Variants in COL14A1 observed in about 807,000 individuals in gnomAD.
COL14A1 encodes collagen alpha-1(XIV) chain.
Under a neutral mutation model 230.3 loss-of-function variants are expected in COL14A1, and 136 were observed. That is an observed-to-expected ratio of 0.59 (90% CI 0.51 to 0.68). The LOEUF (loss-of-function observed/expected upper bound fraction) is 0.68, where lower values mean the gene tolerates loss of function less well. COL14A1 is among the 30% of genes least tolerant of loss of function. The pLI is 0.00. For missense variants in COL14A1, 1,976 were observed against 2,215.8 expected (o/e 0.89, Z 2.17); for synonymous variants, 792 against 784.1 (o/e 1.01, Z -0.17).
chr8:120,225,010 C>T (rs1303880820), intron 14 of COL14A1, 78 bp from the exon 15 acceptor site: 28 of 1,376,082 alleles, frequency 2.0e-5, no homozygotes, highest in East Asian at 4.9e-5. Flanking sequence ...GTCAGCTAAG[C>T]GAGCTACAGA....
At chr8:120,206,902 C>A in intron 9 of COL14A1, 41 bp from the exon 10 acceptor site, 1 of 1,543,280 alleles carries the variant, frequency 6.5e-7, no homozygotes, top group Non-Finnish European at 8.7e-7. Flanking sequence ...TAAGAAATAA[C>A]TTTGGGTAAG....
At chr8:120,198,000 C>T in intron 7 of COL14A1, 70 bp downstream of exon 7, 1 of 1,485,432 alleles carries the variant, frequency 6.7e-7, no homozygotes, top group South Asian at 1.2e-5. Flanking sequence ...CTCATTTTGC[C>T]ACTTTGTAAG....
chr8:120,200,069 C>CTATATATATATATATAT (rs1817184462), intron 8 of COL14A1, among the ~76,000 whole-genome samples: 2 of 36,990 alleles, frequency 5.4e-5, no homozygotes, highest in African/African-American at 4.8e-4. Flanking sequence ...ATATAGATAG[C>CTATATATATATATATAT]ATACATTCAG....
At chr8:120,291,633 C>T (rs1343927069) in intron 34 of COL14A1, among the ~76,000 whole-genome samples, 1 of 150,424 alleles carries the variant, frequency 6.6e-6, no homozygotes, top group Non-Finnish European at 1.5e-5. Context: ...AGATTCTGGG[C>T]CCAGATCACA....
At chr8:120,233,640 T>C (rs949793568) in intron 19 of COL14A1, among the ~76,000 whole-genome samples, 5 of 152,170 alleles carry the variant, frequency 3.3e-5, no homozygotes, top group African/African-American at 1.2e-4. Flanking sequence ...ATGTGTGGTG[T>C]CATTTCTGAG....
intron 34 of COL14A1, 23 bp from the exon 35 acceptor site, chr8:120,297,488 A>C: frequency 7.7e-7 from 1 of 1,307,148 alleles, no homozygotes; most frequent in Non-Finnish European, 1.0e-6. Context: ...TTATTGAATG[A>C]CAATTTTCTT....
At chr8:120,219,257 C>T (rs1263473199) in intron 14 of COL14A1, among the ~76,000 whole-genome samples, 3 of 152,086 alleles carry the variant, frequency 2.0e-5, no homozygotes, top group Non-Finnish European at 4.4e-5. Context: ...GCTGGGACTA[C>T]ACATGCCACC....
Position 120,231,593 on chromosome 8 carries a change from A to C in COL14A1, c.2324A>C (p.Asp775Ala). The C allele has an allele frequency of 6.2e-7, 1 of 1,613,774 alleles. No homozygotes were observed. Among genetic ancestry groups the C allele is most frequent in the Non-Finnish European group, 8.5e-7 (1 of 1,179,904 alleles). The change falls in exon 19 of 48, where the codon GAC (aspartate) becomes GCC (alanine). Residue 775 changes from aspartate (D) to alanine (A), a missense_variant. Physicochemically the swap from Asp to Ala is moderately radical, Grantham distance 126 (BLOSUM62 -2). Transcript: ENST00000297848. ...GTGACCTACATGACAGCTCAAGGGG[A>C]CCCTGAGGAAGAAGTCATAGGAACG... ...FRVTYMTAQG[D>A]PEEEVIGTVM...
chr8:120,213,467 G>A (rs1317173043), intron 13 of COL14A1, among the ~76,000 whole-genome samples: 4 of 152,152 alleles, frequency 2.6e-5, no homozygotes. Context: ...AAAGAAGTTT[G>A]CACACATCCA....
rs533629649 is a variant in COL14A1 at position 120,308,274 on chromosome 8, G to A, written c.4402-1735G>A. Among the ~76,000 whole-genome samples, 22 of 152,338 alleles carry A rather than the reference G, an allele frequency of 1.4e-4. 1 individual carries two copies. In the South Asian group the frequency reaches 3.7e-3, roughly 26 times the overall value. On this transcript the variant is annotated intron_variant, in intron 36 of 47. Transcript: ENST00000297848. The stretch of plus-strand genomic sequence containing the variant: ...TGGGATTACAGGCGTGAGCCAGTGC[G>A]CCCAGCCTGAAGCATTGTTTAAATG...
chr8:120,220,571 C>T (rs1817901839), intron 14 of COL14A1, among the ~76,000 whole-genome samples: 1 of 152,056 alleles, frequency 6.6e-6, no homozygotes, highest in Non-Finnish European at 1.5e-5. Context: ...CGCGCCCAGC[C>T]CATGCAATTG....
chr8:120,124,717 A>C (rs1452479997), upstream of COL14A1, among the ~76,000 whole-genome samples: 1 of 152,176 alleles, frequency 6.6e-6, no homozygotes, highest in Non-Finnish European at 1.5e-5. Flanking sequence ...TGACGCGGGA[A>C]GGCAAAGTCT....
In COL14A1 at chr8:120,243,869, T is replaced by A; in HGVS notation, c.2350-10T>A. 1 of 1,612,218 alleles carries A rather than the reference T, an allele frequency of 6.2e-7. No individual in the cohort carries two copies. The highest frequency in any genetic ancestry group is 8.5e-7 in the Non-Finnish European group (1 of 1,178,882). On this transcript the variant is annotated splice_polypyrimidine_tract_variant and intron_variant, in intron 19 of 47. Coordinates refer to ENST00000297848, the MANE Select transcript of COL14A1 (RefSeq NM_021110.4). ...TCACTAAGACTGCAGTCCTTTGCTT[T>A]TTTGTTCAGGTTATGGTGCCTGGAA... is the stretch of plus-strand genomic sequence containing the variant.
intron 2 of COL14A1, among the ~76,000 whole-genome samples, chr8:120,152,531 A>G (rs1165792902): frequency 6.6e-6 from 1 of 151,708 alleles, no homozygotes; most frequent in African/African-American, 2.4e-5. Flanking sequence ...CTTAATTGCT[A>G]ATCCACAGAA....
chr8:120,133,916 T>C (rs868013349), intron 1 of COL14A1, among the ~76,000 whole-genome samples: 8 of 152,180 alleles, frequency 5.3e-5, no homozygotes, highest in African/African-American at 1.7e-4. Context: ...CTATTCAAGG[T>C]AGGTTACAAA....
At chr8:120,186,549 G>A (rs1208153553) in intron 5 of COL14A1, among the ~76,000 whole-genome samples, 1 of 152,200 alleles carries the variant, frequency 6.6e-6, no homozygotes, top group African/African-American at 2.4e-5. Flanking sequence ...AATAAAAATA[G>A]TACACACTCT....
intron 19 of COL14A1, among the ~76,000 whole-genome samples, chr8:120,240,256 T>A (rs908676422): frequency 2.0e-5 from 3 of 152,210 alleles, no homozygotes; most frequent in Admixed American, 2.0e-4. Flanking sequence ...ATCAAGCTCC[T>A]TTAGAGGATT....
intron 37 of COL14A1, among the ~76,000 whole-genome samples, chr8:120,311,800 CAT>C (rs1261613944): frequency 6.6e-6 from 1 of 152,056 alleles, no homozygotes; most frequent in Non-Finnish European, 1.5e-5. Flanking sequence ...TTCTCGATAA[CAT>C]ATTATTAAAC....
In COL14A1 at chr8:120,369,385, A is replaced by C; in HGVS notation, c.5211A>C (p.Pro1737=). 6.2e-7 allele frequency: 1 copy of C among 1,609,200 alleles called. No individual in the cohort carries two copies. The highest frequency in any genetic ancestry group is 8.5e-7 in the Non-Finnish European group (1 of 1,177,876). The change falls in exon 47 of 48, where the codon CCA becomes CCC. Residue 1737 remains proline, a synonymous_variant. Coordinates refer to ENST00000297848, the MANE Select transcript of COL14A1 (RefSeq NM_021110.4). ...CTGGGCCCCCTGGCTCTCCTGGACCAAGAGGCCCACCAGGTCATCTGGGGG... is the reference window on the plus strand; with the variant it reads ...CTGGGCCCCCTGGCTCTCCTGGACCCAGAGGCCCACCAGGTCATCTGGGGG... ...GSPGPPGSPG[P]RGPPGHLGVP...
Sources: gnomAD v4.1 joint callset for allele counts (sites outside exome capture counted in the v4.1 genomes callset) on GRCh38, gnomAD v4.1.1 for gene constraint, MANE v1.5 for transcripts, NCBI Gene and HGNC (gene_info 2026-07-23, HGNC 2026-07-21) for gene names.